ENPP3: variants seen among roughly 807,000 people sequenced by gnomAD.
The protein encoded by ENPP3 is ectonucleotide pyrophosphatase/phosphodiesterase family member 3.
In ENPP3, 104 loss-of-function variants were observed where a neutral mutation model predicts 117.8. The observed-to-expected ratio is 0.88, with a 90% confidence interval of 0.75 to 1.04. The LOEUF (loss-of-function observed/expected upper bound fraction) is 1.04, where lower values mean the gene tolerates loss of function less well. ENPP3 is among the 50% of genes least tolerant of loss of function. The pLI is 0.00. For synonymous variants in ENPP3, 380 were observed against 349.9 expected (o/e 1.09, Z -0.96); for missense variants, 1,026 against 1,051.9 (o/e 0.98, Z 0.34).
intron 11 of ENPP3, among the ~76,000 whole-genome samples, chr6:131,679,006 C>A (rs1366461902): frequency 2.6e-5 from 2 of 76,206 alleles, no homozygotes; most frequent in Non-Finnish European, 2.5e-5. Flanking sequence ...TCCTTGCTTC[C>A]TTCCTTCCTT....
chr6:131,675,179 C>A lies in ENPP3; in HGVS notation c.862C>A (p.Pro288Thr), dbSNP rs773383171. The change falls in exon 9 of 25, where the codon CCT becomes ACT. Residue 288 changes from proline (P) to threonine (T), a missense_variant. Transcript: ENST00000357639. ...TGGCTCCTTTCCTTCCATATACATG[C>A]CTTACAACGGGTAGTGAAGCACTTT... is the stretch of plus-strand genomic sequence containing the variant. ...INGSFPSIYM[P>T]YNGSVPFEER... is the part of the protein sequence containing the mutation. 3.4e-5 allele frequency: 54 copies of A among 1,580,500 alleles called. No homozygotes were observed. The highest frequency in any genetic ancestry group is 4.6e-5 in the Non-Finnish European group (53 of 1,149,644).
intron 14 of ENPP3, among the ~76,000 whole-genome samples, chr6:131,692,113 A>T (rs1021108861): frequency 1.6e-4 from 25 of 152,126 alleles, no homozygotes; most frequent in African/African-American, 6.0e-4. Context: ...GATAATAGTG[A>T]CACACACTTG....
rs1295088881 is a variant in ENPP3 at position 131,678,958 on chromosome 6, TTTCC to T, written c.1011+1057_1011+1060del. Reference sequence around the variant, plus strand: ...CTTTCTTTCTTTCTTTCTTTCTTTCTTTCCTTCCTTCCTTCCTTCCTTCCTTCCT... The same window carrying T: ...CTTTCTTTCTTTCTTTCTTTCTTTCTTTCCTTCCTTCCTTCCTTCCTTCCT... On this transcript the variant is annotated intron_variant, in intron 11 of 24. Coordinates refer to ENST00000357639, the MANE Select transcript of ENPP3 (RefSeq NM_005021.5). 5.2e-4 allele frequency among the ~76,000 whole-genome samples: 43 copies of T among 82,948 alleles called. 1 individual carries two copies. The highest frequency in any genetic ancestry group is 9.2e-4 in the South Asian group (2 of 2,178). The allele number at this position is 82,948 out of a possible 152,430, so 54.4% of individuals were successfully genotyped here. A position where few individuals can be genotyped will look rare whatever the true frequency, so the allele number is the denominator to read the frequency against.
Position 131,652,982 on chromosome 6 carries a change from C to A in ENPP3, c.464+91C>A, listed in dbSNP as rs1470386037. On this transcript the variant is annotated intron_variant, in intron 5 of 24. Transcript: ENST00000357639. ...GTTGAGACGCAGAGAGGAATTTCCC[C>A]CAATTCATGTACATTTCAAAACAGA... 1.8e-5 allele frequency: 15 copies of A among 828,618 alleles called. No homozygotes were observed. The Middle Eastern group carries it at 1.4e-3, about 77-fold the overall frequency. 51.3% of individuals were successfully genotyped at this position (828,618 alleles called of 1,614,324 possible).
intron 6 of ENPP3, among the ~76,000 whole-genome samples, chr6:131,669,864 G>A (rs1585642540): frequency 6.6e-6 from 1 of 152,074 alleles, no homozygotes; most frequent in South Asian, 2.1e-4. Context: ...AACACTCATT[G>A]TGTTCAGCAG....
chr6:131,739,413 G>A (rs765745529), intron 23 of ENPP3, among the ~76,000 whole-genome samples: 30 of 152,240 alleles, frequency 2.0e-4, no homozygotes, highest in Middle Eastern at 3.4e-3. Context: ...GAGGAAACTC[G>A]AAACTCGGTA....
chr6:131,658,649 TG>T (rs1314688630), intron 6 of ENPP3, among the ~76,000 whole-genome samples: 3 of 152,354 alleles, frequency 2.0e-5, no homozygotes, highest in African/African-American at 7.2e-5. Flanking sequence ...TTGTTTATTT[TG>T]ATTTGCTTTA....
intron 1 of ENPP3, among the ~76,000 whole-genome samples, chr6:131,638,104 C>T (rs1178093750): frequency 6.6e-6 from 1 of 151,796 alleles, no homozygotes; most frequent in East Asian, 1.9e-4. Context: ...TTCATTGCTT[C>T]AGTTTTCTCA....
intron 20 of ENPP3, among the ~76,000 whole-genome samples, chr6:131,730,914 CAAAAA>C (rs528990087): frequency 1.0e-5 from 1 of 98,126 alleles, no homozygotes; most frequent in Non-Finnish European, 2.3e-5. Context: ...GACTCCATCT[CAAAAA>C]AAAAAAAAAA....
chr6:131,655,286 C>T (rs953964355), intron 5 of ENPP3, among the ~76,000 whole-genome samples: 4 of 152,096 alleles, frequency 2.6e-5, no homozygotes, highest in Admixed American at 2.6e-4. Flanking sequence ...TATTATTTAC[C>T]AATTTGTACT....
rs1009855625 is a variant in ENPP3 at position 131,692,110 on chromosome 6, G to A, written c.1285-1387G>A. ...TATCTAAATTGACCCTGAGATAATA[G>A]TGACACACACTTGTTAATATATATG... On this transcript the variant is annotated intron_variant, in intron 14 of 24. Transcript: ENST00000357639. 3.3e-5 allele frequency among the ~76,000 whole-genome samples: 5 copies of A among 152,062 alleles called. No homozygotes were observed. In the East Asian group the frequency reaches 9.7e-4, roughly 29 times the overall value.
intron 15 of ENPP3, among the ~76,000 whole-genome samples, chr6:131,696,701 C>G (rs1285466587): frequency 6.6e-6 from 1 of 151,532 alleles, no homozygotes; most frequent in Non-Finnish European, 1.5e-5. Context: ...GCTTGCCAAG[C>G]CTTGAACACT....
chr6:131,710,784 A>G, intron 15 of ENPP3: 1 of 1,613,324 alleles, frequency 6.2e-7, no homozygotes, highest in Middle Eastern at 1.7e-4. Context: ...GCGTTGCACC[A>G]AGTTTTTGCT....
At chr6:131,646,969 C>T (rs1429004688) in intron 2 of ENPP3, among the ~76,000 whole-genome samples, 1 of 147,898 alleles carries the variant, frequency 6.8e-6, no homozygotes, top group Non-Finnish European at 1.5e-5. Context: ...TATCAACCAG[C>T]TACTTTTTTT....
intron 1 of ENPP3, 30 bp downstream of exon 1, chr6:131,637,492 T>C (rs1202167377): frequency 7.9e-7 from 1 of 1,264,178 alleles, no homozygotes; most frequent in South Asian, 1.4e-5. Flanking sequence ...TTAGTCTTTC[T>C]AGTTTTGTGA....
chr6:131,668,208 T>A (rs1585639883), intron 6 of ENPP3, among the ~76,000 whole-genome samples: 1 of 85,060 alleles, frequency 1.2e-5, no homozygotes, highest in Admixed American at 1.3e-4. Flanking sequence ...CGCTCTGCGT[T>A]TTTTTTTTTT....
At chr6:131,676,282 A>G (rs1367854728) in intron 9 of ENPP3, among the ~76,000 whole-genome samples, 2 of 148,808 alleles carry the variant, frequency 1.3e-5, no homozygotes, top group Non-Finnish European at 3.0e-5. Flanking sequence ...AACATTTATC[A>G]CCTTTTAATA....
chr6:131,640,746 T>C (rs1287393674), intron 1 of ENPP3, among the ~76,000 whole-genome samples: 2 of 152,218 alleles, frequency 1.3e-5, no homozygotes, highest in African/African-American at 4.8e-5. Context: ...CATGCTTATC[T>C]CTGGACTTCA....
intron 15 of ENPP3, among the ~76,000 whole-genome samples, chr6:131,708,410 A>G (rs1431973099): frequency 1.3e-5 from 2 of 152,130 alleles, no homozygotes; most frequent in South Asian, 2.1e-4. Context: ...GATCTAGAAT[A>G]TAATAAAATG....
Sources: allele counts gnomAD v4.1 joint callset (sites outside exome capture counted in the v4.1 genomes callset), GRCh38; gene constraint gnomAD v4.1.1; transcripts MANE v1.5; gene names NCBI Gene and HGNC (gene_info 2026-07-23, HGNC 2026-07-21).